Variants in HACE1 observed in about 807,000 individuals in gnomAD.
The protein encoded by HACE1 is HECT domain and ankyrin repeat containing E3 ubiquitin protein ligase 1, also known as E3 ubiquitin-protein ligase HACE1.
Under a neutral mutation model 118.4 loss-of-function variants are expected in HACE1, and 73 were observed. The observed-to-expected ratio is 0.62, with a 90% CI of 0.51 to 0.75. The LOEUF (loss-of-function observed/expected upper bound fraction) is 0.75, where lower values mean the gene tolerates loss of function less well. HACE1 is among the 30% of genes least tolerant of loss of function. The pLI is 0.00. For synonymous variants in HACE1, 368 were observed against 374.8 expected (o/e 0.98, Z 0.21); for missense variants, 749 against 1,102.2 (o/e 0.68, Z 4.54).
intron 19 of HACE1, among the ~76,000 whole-genome samples, chr6:104,758,926 A>C (rs1193717027): frequency 6.6e-6 from 1 of 152,210 alleles, no homozygotes; most frequent in East Asian, 1.9e-4. Flanking sequence ...AACAGACGTT[A>C]GACCAAAGAA....
In HACE1 at chr6:104,728,737, C is replaced by T. The variant is rs1038787829; in HGVS notation, c.*925G>A. ...TTCAAAATAAAACTGATTAACCACC[C>T]AAAAATTCAAAAACCCACCAACATC... On this transcript the variant is annotated 3_prime_UTR_variant, in exon 24 of 24. Transcript: ENST00000262903. 5 of 152,102 alleles carry T rather than the reference C, an allele frequency of 3.3e-5. No homozygotes were observed. In the South Asian group the frequency reaches 8.3e-4, roughly 25 times the overall value. 9.4% of individuals were successfully genotyped at this position (152,102 alleles called of 1,614,324 possible).
intron 19 of HACE1, among the ~76,000 whole-genome samples, chr6:104,763,704 A>C (rs545190525): frequency 6.6e-6 from 1 of 152,328 alleles, no homozygotes; most frequent in South Asian, 2.1e-4. Flanking sequence ...GTTAAACAGA[A>C]GCAACAAACA....
intron 4 of HACE1, among the ~76,000 whole-genome samples, chr6:104,846,544 CT>C (rs1225693770): frequency 6.6e-6 from 1 of 152,144 alleles, no homozygotes; most frequent in East Asian, 1.9e-4. Context: ...AATGGGGCTT[CT>C]TTTGGAAAGG....
chr6:104,809,088 T>C (rs145404016), intron 7 of HACE1, among the ~76,000 whole-genome samples: 52 of 152,350 alleles, frequency 3.4e-4, no homozygotes, highest in Non-Finnish European at 6.0e-4. Context: ...ATAAATGGCA[T>C]TGTTTTTTAT....
chr6:104,784,452 G>A lies in HACE1; in HGVS notation c.1443C>T (p.Cys481=). 1.2e-6 allele frequency: 2 copies of A among 1,612,562 alleles called. No individual in the cohort carries two copies. Among genetic ancestry groups the A allele is most frequent in the Non-Finnish European group, 1.7e-6 (2 of 1,178,776 alleles). ...MTSPRFIEFV[C]KHDEVLKCFV... ...AGCATTTTAAAACTTCATCATGTTT[G>A]CAGACAAATTCAATGAAACGAGGTG... is the stretch of plus-strand genomic sequence containing the variant. The change falls in exon 13 of 24, where the codon TGC becomes TGT. Residue 481 remains cysteine (C), a synonymous_variant. Coordinates refer to ENST00000262903, the MANE Select transcript of HACE1 (RefSeq NM_020771.4).
In HACE1 at chr6:104,739,984, A is replaced by G. The variant is rs1434233123; in HGVS notation, c.2513+4176T>C. Among the ~76,000 whole-genome samples the G allele has an allele frequency of 3.3e-5, 5 of 151,764 alleles. No homozygotes were observed. In the East Asian group the frequency reaches 9.6e-4, roughly 29 times the overall value. The stretch of plus-strand genomic sequence containing the variant: ...CAAACTATCTCTCAGACCACAGTGC[A>G]ATCAAACTAGAACTCAGGATTAAGA... On this transcript the variant is annotated intron_variant, in intron 22 of 23. Transcript: ENST00000262903.
At chr6:104,806,273 A>T (rs1430816888) in intron 7 of HACE1, among the ~76,000 whole-genome samples, 3 of 152,086 alleles carry the variant, frequency 2.0e-5, no homozygotes, top group Non-Finnish European at 4.4e-5. Context: ...ACCCGCTTGG[A>T]TGACATACCT....
chr6:104,774,914 T>C (rs999959238), intron 17 of HACE1, among the ~76,000 whole-genome samples: 1 of 152,226 alleles, frequency 6.6e-6, no homozygotes, highest in Admixed American at 6.5e-5. Flanking sequence ...TCCCCACATT[T>C]AGAAATTCTT....
chr6:104,791,760 T>C (rs542307200), intron 10 of HACE1, 106 bp from the exon 11 acceptor site: 2 of 731,146 alleles, frequency 2.7e-6, no homozygotes, highest in African/African-American at 1.8e-5. Flanking sequence ...CATATTATAA[T>C]GTAACTGGAG....
intron 19 of HACE1, among the ~76,000 whole-genome samples, chr6:104,765,736 A>C (rs6904317): frequency 0.21 from 32,179 of 152,150 alleles, 4,175 homozygotes; most frequent in African/African-American, 0.38. Flanking sequence ...TTAAGTGGCA[A>C]GTGTTCACTG....
chr6:104,789,087 A>C (rs1276458530), intron 11 of HACE1, among the ~76,000 whole-genome samples: 2 of 152,126 alleles, frequency 1.3e-5, no homozygotes, highest in African/African-American at 4.8e-5. Context: ...AGTAACTAGC[A>C]AAGATTTTTA....
intron 3 of HACE1, among the ~76,000 whole-genome samples, chr6:104,849,949 CT>C (rs35012688): frequency 0.42 from 51,279 of 120,856 alleles, 10,414 homozygotes; most frequent in Middle Eastern, 0.55. Context: ...CACGCCCGTC[CT>C]TTTTTTTTTT....
intron 14 of HACE1, among the ~76,000 whole-genome samples, chr6:104,777,560 AGACTT>A (rs1781349648): frequency 6.6e-6 from 1 of 152,220 alleles, no homozygotes. Context: ...TCAACACAAA[AGACTT>A]GATAAATTTG....
intron 22 of HACE1, among the ~76,000 whole-genome samples, chr6:104,740,579 C>G (rs1199690434): frequency 5.3e-5 from 8 of 151,274 alleles, no homozygotes; most frequent in African/African-American, 1.2e-4. Flanking sequence ...ATAAATTCCT[C>G]GACACATACA....
intron 1 of HACE1, among the ~76,000 whole-genome samples, chr6:104,854,075 G>C (rs6924632): frequency 0.24 from 35,945 of 152,110 alleles, 4,612 homozygotes; most frequent in African/African-American, 0.34. Flanking sequence ...CAAAGCTGCA[G>C]ATGAGGGTGG....
At position 104,738,107 on chromosome 6, in the gene HACE1, C is replaced by G. The variant is rs1025094394; in HGVS notation, c.2513+6053G>C. On this transcript the variant is annotated intron_variant, in intron 22 of 23. Transcript: ENST00000262903. The stretch of plus-strand genomic sequence containing the variant: ...TTCCAACAGACCTGCAGCTGAGGGT[C>G]CTGTCTGTTAGAAGGAAAACTAACA... 5.9e-5 allele frequency among the ~76,000 whole-genome samples: 9 copies of G among 151,760 alleles called. No homozygotes were observed. The South Asian group carries it at 6.2e-4, about 11-fold the overall frequency.
intron 6 of HACE1, among the ~76,000 whole-genome samples, chr6:104,823,786 G>GT (rs148320151): frequency 1.6e-4 from 24 of 152,012 alleles, no homozygotes; most frequent in African/African-American, 5.8e-4. Flanking sequence ...TTTGCTGGCG[G>GT]TTTTCTTTTT....
chr6:104,771,486 TG>T, intron 18 of HACE1, 97 bp from the exon 19 acceptor site: 2 of 745,832 alleles, frequency 2.7e-6, no homozygotes, highest in Non-Finnish European at 4.7e-6. Context: ...TCTGAAAAAC[TG>T]CAAAATATAA....
intron 5 of HACE1, chr6:104,842,472 C>T (rs1053434978): frequency 6.0e-5 from 9 of 151,260 alleles, no homozygotes; most frequent in African/African-American, 2.2e-4. Context: ...TTTTTTTAAC[C>T]GTGATTATCT....
Sources: gnomAD v4.1 joint callset for allele counts (sites outside exome capture counted in the v4.1 genomes callset) on GRCh38, gnomAD v4.1.1 for gene constraint, MANE v1.5 for transcripts, NCBI Gene and HGNC (gene_info 2026-07-23, HGNC 2026-07-21) for gene names.